The following RALYL variants were observed in gnomAD, a reference collection of about 807,000 sequenced individuals.
RALYL encodes RALY RNA binding protein like.
Under a neutral mutation model 35.1 loss-of-function variants are expected in RALYL, and 29 were observed. The observed-to-expected ratio is 0.83, with a 90% CI of 0.61 to 1.13. The LOEUF (loss-of-function observed/expected upper bound fraction) is 1.13. RALYL is among the 50% of genes most tolerant of loss of function. RALYL has a pLI of 0.00. For synonymous variants in RALYL, 120 were observed against 127.6 expected (o/e 0.94, Z 0.40); for missense variants, 359 against 360.4 (o/e 1.00, Z 0.03).
intron 3 of RALYL, among the ~76,000 whole-genome samples, chr8:84,792,032 C>T (rs1452784610): frequency 6.6e-6 from 1 of 152,252 alleles, no homozygotes; most frequent in Non-Finnish European, 1.5e-5. Context: ...AAAGCAAGCA[C>T]CCCTGGTCTC....
chr8:84,811,284 G>T (rs141906428), intron 4 of RALYL, among the ~76,000 whole-genome samples: 100 of 152,190 alleles, frequency 6.6e-4, no homozygotes, highest in Non-Finnish European at 1.1e-3. Flanking sequence ...GCTTAGTTTC[G>T]CTGGATACAA....
intron 2 of RALYL, among the ~76,000 whole-genome samples, chr8:84,608,826 A>G (rs1479939204): frequency 2.0e-5 from 3 of 152,170 alleles, no homozygotes; most frequent in Admixed American, 2.0e-4. Context: ...AGCTCAGCAG[A>G]AATGTGTTGC....
At chr8:84,780,618 A>G (rs1817931963) in intron 3 of RALYL, among the ~76,000 whole-genome samples, 1 of 152,192 alleles carries the variant, frequency 6.6e-6, no homozygotes, top group African/African-American at 2.4e-5. Flanking sequence ...CTTGGTGGGA[A>G]AAATGTTAGA....
intron 2 of RALYL, among the ~76,000 whole-genome samples, chr8:84,669,302 C>T (rs868001156): frequency 6.6e-6 from 1 of 152,072 alleles, no homozygotes. Flanking sequence ...TGGGCTTGGG[C>T]AGGGCCATTT....
chr8:84,232,075 C>T (rs901197210), intron 1 of RALYL, among the ~76,000 whole-genome samples: 1 of 152,086 alleles, frequency 6.6e-6, no homozygotes, highest in Non-Finnish European at 1.5e-5. Flanking sequence ...CAGTACTCCG[C>T]CCTTTACACC....
rs188728049 is a variant in RALYL, at chr8:84,595,349, C to T, written c.256+65772C>T. 3.3e-5 allele frequency among the ~76,000 whole-genome samples: 5 copies of T among 152,214 alleles called. No individual in the cohort carries two copies. In the East Asian group the frequency reaches 9.7e-4, roughly 29 times the overall value. ...TTACTTAGATTAACAGTGGTCCCTA[C>T]AGTTAATTGGGCACAGAGTGAATAT... On this transcript the variant is annotated intron_variant, in intron 2 of 8. Coordinates refer to ENST00000521268, the MANE Select transcript of RALYL (RefSeq NM_173848.7).
At chr8:84,605,053 T>C (rs1017425159) in intron 2 of RALYL, among the ~76,000 whole-genome samples, 1 of 152,124 alleles carries the variant, frequency 6.6e-6, no homozygotes, top group Non-Finnish European at 1.5e-5. Flanking sequence ...AAAAGATGAA[T>C]TTTTATTATA....
At chr8:84,749,284 T>G (rs1809375574) in intron 2 of RALYL, among the ~76,000 whole-genome samples, 1 of 152,108 alleles carries the variant, frequency 6.6e-6, no homozygotes, top group African/African-American at 2.4e-5. Flanking sequence ...ATTCTAATAG[T>G]GTCTGAACTG....
At chr8:84,728,125 T>C (rs1458683612) in intron 2 of RALYL, among the ~76,000 whole-genome samples, 1 of 151,450 alleles carries the variant, frequency 6.6e-6, no homozygotes, top group East Asian at 1.9e-4. Flanking sequence ...CCACATCCTC[T>C]CCAGCACCTG....
chr8:84,321,973 C>CA (rs1844928819), intron 1 of RALYL, among the ~76,000 whole-genome samples: 2 of 151,874 alleles, frequency 1.3e-5, no homozygotes, highest in Non-Finnish European at 2.9e-5. Flanking sequence ...CAAGAAGACC[C>CA]AAAAACCCTA....
chr8:84,247,612 A>G (rs1049607824), intron 1 of RALYL, among the ~76,000 whole-genome samples: 1 of 151,928 alleles, frequency 6.6e-6, no homozygotes, highest in African/African-American at 2.4e-5. Context: ...TTTAATTACT[A>G]GTGAATTGTT....
At chr8:84,197,153 G>A (rs1208981685) in intron 1 of RALYL, among the ~76,000 whole-genome samples, 1 of 152,050 alleles carries the variant, frequency 6.6e-6, no homozygotes, top group Non-Finnish European at 1.5e-5. Context: ...AACACCAATT[G>A]AATACCAACT....
chr8:84,659,095 G>A (rs1245069715), intron 2 of RALYL, among the ~76,000 whole-genome samples: 1 of 152,152 alleles, frequency 6.6e-6, no homozygotes, highest in Non-Finnish European at 1.5e-5. Context: ...ATATTTCCAG[G>A]TTACTGACCA....
intron 2 of RALYL, among the ~76,000 whole-genome samples, chr8:84,765,790 C>G (rs1813787033): frequency 6.6e-6 from 1 of 151,374 alleles, no homozygotes; most frequent in South Asian, 2.1e-4. Flanking sequence ...TCCTGGCAGT[C>G]TGCATGCCAT....
chr8:84,771,473 A>C (rs1172907722), intron 2 of RALYL, among the ~76,000 whole-genome samples: 3 of 152,080 alleles, frequency 2.0e-5, no homozygotes, highest in Non-Finnish European at 4.4e-5. Context: ...CTGATGAATT[A>C]TTTTTCAAAA....
intron 2 of RALYL, among the ~76,000 whole-genome samples, chr8:84,732,683 T>TATATATATATATACACACACACACAC: frequency 1.1e-4 from 15 of 133,234 alleles, no homozygotes; most frequent in Non-Finnish European, 2.4e-4. Context: ...TATATATATA[T>TATATATATATATACACACACACACAC]ACACACACAC....
intron 1 of RALYL, among the ~76,000 whole-genome samples, chr8:84,329,775 C>A (rs988456809): frequency 6.6e-6 from 1 of 151,932 alleles, no homozygotes; most frequent in African/African-American, 2.4e-5. Flanking sequence ...ACAATAATTT[C>A]CTATCAATTC....
At chr8:84,718,299 T>G (rs1843268561) in intron 2 of RALYL, among the ~76,000 whole-genome samples, 1 of 152,210 alleles carries the variant, frequency 6.6e-6, no homozygotes, top group Admixed American at 6.5e-5. Context: ...TTTCAGTTGT[T>G]AAGTATGTGT....
At chr8:84,424,937 C>T (rs1465395943) in intron 1 of RALYL, among the ~76,000 whole-genome samples, 1 of 151,508 alleles carries the variant, frequency 6.6e-6, no homozygotes, top group Non-Finnish European at 1.5e-5. Context: ...GCTGGGAGAA[C>T]CACTCCTCTC....
Sources: gnomAD v4.1 joint callset for allele counts (sites outside exome capture counted in the v4.1 genomes callset) on GRCh38, gnomAD v4.1.1 for gene constraint, MANE v1.5 for transcripts, NCBI Gene and HGNC (gene_info 2026-07-23, HGNC 2026-07-21) for gene names.